The following TRHDE variants were observed in gnomAD, a reference collection of about 807,000 sequenced individuals.
The protein encoded by TRHDE is thyrotropin releasing hormone degrading enzyme, also known as thyrotropin-releasing hormone-degrading ectoenzyme.
TRHDE carries 72 observed loss-of-function variants against 125.7 expected under a neutral mutation model. That is an observed-to-expected ratio of 0.57 (90% CI 0.47 to 0.70). TRHDE has a LOEUF of 0.70. TRHDE is among the 30% of genes least tolerant of loss of function. The pLI, the probability that TRHDE is intolerant of heterozygous loss-of-function variation, is 0.00. For synonymous variants in TRHDE, 509 were observed against 509.1 expected, an observed-to-expected ratio of 1.00 and a Z score of 0.00; for missense variants, 1,110 against 1,327.1, an observed-to-expected ratio of 0.84 and a Z score of 2.54.
At chr12:72,573,012 C>T (rs985479343) in intron 10 of TRHDE, among the ~76,000 whole-genome samples, 14 of 151,770 alleles carry the variant, frequency 9.2e-5, no homozygotes, top group Admixed American at 2.6e-4. Flanking sequence ...AAAAAAATAA[C>T]ACTTCTTAGA....
chr12:72,654,335 C>G (rs914301330), intron 17 of TRHDE, among the ~76,000 whole-genome samples: 2 of 152,092 alleles, frequency 1.3e-5, no homozygotes, highest in Non-Finnish European at 2.9e-5. Flanking sequence ...TCTAAAAATA[C>G]GATGGTGTTT....
chr12:72,498,035 G>A (rs1002959989), intron 5 of TRHDE, among the ~76,000 whole-genome samples: 6 of 152,234 alleles, frequency 3.9e-5, no homozygotes, highest in East Asian at 3.9e-4. Context: ...GACTCAAAGC[G>A]TGATTTGATT....
chr12:72,317,933 C>G (rs117873550), intron 2 of TRHDE, among the ~76,000 whole-genome samples: 2,026 of 152,174 alleles, frequency 0.013, 25 homozygotes, highest in Non-Finnish European at 0.023. Context: ...GAACGAGGCA[C>G]AGGTAAGAGG....
rs1254853275 is a variant in TRHDE, at chr12:72,664,947, T to G, written c.*1752T>G. Reference sequence around the variant, plus strand: ...CAGCACTTCATTCAATTAAAATACATGAATTTTAAATATTTTACATGATGT... The same window carrying G: ...CAGCACTTCATTCAATTAAAATACAGGAATTTTAAATATTTTACATGATGT... On this transcript the variant is annotated 3_prime_UTR_variant, in exon 19 of 19. Transcript: ENST00000261180. 6.6e-6 allele frequency: 1 copy of G among 152,066 alleles called. No individual in the cohort carries two copies. Among genetic ancestry groups the G allele is most frequent in the Non-Finnish European group, 1.5e-5 (1 of 67,976 alleles). 9.4% of individuals were successfully genotyped at this position (152,066 alleles called of 1,614,324 possible). A position where few individuals can be genotyped will look rare whatever the true frequency, so the allele number is the denominator to read the frequency against.
At chr12:72,625,947 G>A (rs1378909274) in intron 15 of TRHDE, among the ~76,000 whole-genome samples, 1 of 151,968 alleles carries the variant, frequency 6.6e-6, no homozygotes, top group East Asian at 1.9e-4. Flanking sequence ...ATGTACATGG[G>A]TTGCATGGTG....
At chr12:72,434,376 C>T (rs1183506506) in intron 3 of TRHDE, among the ~76,000 whole-genome samples, 1 of 137,156 alleles carries the variant, frequency 7.3e-6, no homozygotes, top group Non-Finnish European at 1.5e-5. Flanking sequence ...CAGAGCCAGA[C>T]TCTCTATGTC....
At chr12:72,170,809 C>A (rs774493026) in intron 2 of TRHDE, among the ~76,000 whole-genome samples, 1 of 152,134 alleles carries the variant, frequency 6.6e-6, no homozygotes, top group Non-Finnish European at 1.5e-5. Context: ...GTGTGCCCAT[C>A]TCCACAATTT....
chr12:72,556,540 C>T lies in TRHDE; in HGVS notation c.1789-5625C>T, dbSNP rs78096578. Among the ~76,000 whole-genome samples the T allele has an allele frequency of 1.0e-3, 155 of 152,280 alleles. 1 individual carries two copies. Among genetic ancestry groups the T allele is most frequent in the African/African-American group, 3.2e-3 (131 of 41,552 alleles). ...TCTTTTAGGATTCATAGTCCTAGGA[C>T]GAAGCATCCCCTTGTCTGAGGCCAG... On this transcript the variant is annotated intron_variant, in intron 7 of 18. Coordinates refer to ENST00000261180, the MANE Select transcript of TRHDE (RefSeq NM_013381.3).
At chr12:72,396,591 A>G (rs1872800137) in intron 3 of TRHDE, among the ~76,000 whole-genome samples, 1 of 152,050 alleles carries the variant, frequency 6.6e-6, no homozygotes, top group Non-Finnish European at 1.5e-5. Context: ...TAAAAATACA[A>G]AAATTAGCTG....
At chr12:72,626,487 T>G (rs191908798) in intron 15 of TRHDE, among the ~76,000 whole-genome samples, 1 of 152,022 alleles carries the variant, frequency 6.6e-6, no homozygotes, top group East Asian at 1.9e-4. Flanking sequence ...CTATAAGTTT[T>G]GAGTCTTACA....
intron 15 of TRHDE, among the ~76,000 whole-genome samples, chr12:72,647,814 T>C (rs1208587524): frequency 2.0e-5 from 3 of 152,130 alleles, no homozygotes; most frequent in Non-Finnish European, 4.4e-5. Flanking sequence ...TAGGACTAGA[T>C]GACTTCACTG....
intron 3 of TRHDE, among the ~76,000 whole-genome samples, chr12:72,407,091 T>A (rs1378797540): frequency 1.3e-5 from 2 of 152,168 alleles, no homozygotes; most frequent in Admixed American, 6.5e-5. Context: ...AGGTTTTTTT[T>A]CAGAGAGCTA....
chr12:72,147,801 A>G (rs1876263786), intron 2 of TRHDE: 1 of 152,180 alleles, frequency 6.6e-6, no homozygotes. Flanking sequence ...TGGTTGTATG[A>G]TGTAGTCTCC....
chr12:72,467,423 C>T (rs1876432746), intron 3 of TRHDE, among the ~76,000 whole-genome samples: 1 of 152,124 alleles, frequency 6.6e-6, no homozygotes, highest in African/African-American at 2.4e-5. Context: ...CTCATATTTC[C>T]CTTTTTTTCG....
rs116102649 is a variant in TRHDE at position 72,542,712 on chromosome 12, G to C, written c.1788+356G>C. Among the ~76,000 whole-genome samples the C allele has an allele frequency of 2.6e-5, 4 of 151,342 alleles. No homozygotes were observed. The East Asian group carries it at 7.7e-4, about 29-fold the overall frequency. On this transcript the variant is annotated intron_variant, in intron 7 of 18. Coordinates refer to ENST00000261180, the MANE Select transcript of TRHDE (RefSeq NM_013381.3). ...GAAACAAATTTTGTTAGTGTTATTC[G>C]AATTATGTATTTGAGAAATCTTAAG... is the stretch of plus-strand genomic sequence containing the variant.
intron 3 of TRHDE, among the ~76,000 whole-genome samples, chr12:72,443,087 A>G (rs1324161904): frequency 6.6e-6 from 1 of 151,754 alleles, no homozygotes; most frequent in African/African-American, 2.4e-5. Flanking sequence ...CGATTTGGTC[A>G]TTGACTACCA....
chr12:72,392,452 G>A (rs146776871), intron 3 of TRHDE, among the ~76,000 whole-genome samples: 2 of 152,048 alleles, frequency 1.3e-5, no homozygotes, highest in South Asian at 2.1e-4. Flanking sequence ...CTGATTTATA[G>A]TGAAAAAATA....
chr12:72,298,128 T>C (rs1426411634), intron 2 of TRHDE, among the ~76,000 whole-genome samples: 1 of 152,178 alleles, frequency 6.6e-6, no homozygotes, highest in African/African-American at 2.4e-5. Flanking sequence ...TTGAAGAGGC[T>C]AATAGAAGCT....
chr12:72,635,806 T>C (rs2136091959), intron 15 of TRHDE, among the ~76,000 whole-genome samples: 1 of 152,294 alleles, frequency 6.6e-6, no homozygotes. Flanking sequence ...AAAGACCAGA[T>C]AGTTGTAGAT....
Sources: gnomAD v4.1 joint callset for allele counts (sites outside exome capture counted in the v4.1 genomes callset) on GRCh38, gnomAD v4.1.1 for gene constraint, MANE v1.5 for transcripts, NCBI Gene and HGNC (gene_info 2026-07-23, HGNC 2026-07-21) for gene names.